Variants in FRMD3 observed in about 807,000 individuals in gnomAD.
The protein encoded by FRMD3 is FERM domain-containing protein 3.
FRMD3 carries 33 observed loss-of-function variants against 70.2 expected under a neutral mutation model. That is an observed-to-expected ratio of 0.47 (90% CI 0.36 to 0.63). The LOEUF is 0.63. Ranked by LOEUF, FRMD3 falls within the 20% of genes least tolerant of loss-of-function variation. FRMD3 has a pLI of 0.00. For synonymous variants in FRMD3, 279 were observed against 255.9 expected (o/e 1.09, Z -0.86); for missense variants, 632 against 711.4 (o/e 0.89, Z 1.27).
chr9:83,273,189 A>G (rs1463125077), intron 13 of FRMD3, among the ~76,000 whole-genome samples: 1 of 152,256 alleles, frequency 6.6e-6, no homozygotes, highest in Non-Finnish European at 1.5e-5. Context: ...GTCGAATAGA[A>G]AAGGGGGAAA....
intron 1 of FRMD3, among the ~76,000 whole-genome samples, chr9:83,394,676 G>A (rs965659431): frequency 1.3e-5 from 2 of 152,170 alleles, no homozygotes; most frequent in African/African-American, 4.8e-5. Flanking sequence ...ACCAAACACA[G>A]ATGTCAGGAG....
chr9:83,535,520 T>C (rs77773760), intron 1 of FRMD3, among the ~76,000 whole-genome samples: 2,644 of 152,248 alleles, frequency 0.017, 85 homozygotes, highest in African/African-American at 0.059. Context: ...CTACAGAGCC[T>C]CTAGATCAAG....
rs908973556 is a variant in FRMD3, at chr9:83,245,618, G to T, written c.*2300C>A. ...ATATTTATACTATCATATTTTTTAA[G>T]TATTTTACAATGGAAAATATATTAG... On this transcript the variant is annotated 3_prime_UTR_variant, in exon 14 of 14. Transcript: ENST00000304195. 3.9e-5 allele frequency: 31 copies of T among 800,446 alleles called. No homozygotes were observed. Among genetic ancestry groups the T allele is most frequent in the Middle Eastern group, 1.3e-3 (2 of 1,528 alleles). 49.6% of individuals were successfully genotyped at this position (800,446 alleles called of 1,614,324 possible).
At chr9:83,505,768 C>A (rs1829168054) in intron 1 of FRMD3, among the ~76,000 whole-genome samples, 1 of 152,146 alleles carries the variant, frequency 6.6e-6, no homozygotes, top group Non-Finnish European at 1.5e-5. Flanking sequence ...TAATTAAGTT[C>A]CCTCCTAGGA....
intron 1 of FRMD3, among the ~76,000 whole-genome samples, chr9:83,430,369 C>G (rs539881203): frequency 6.6e-6 from 1 of 152,272 alleles, no homozygotes; most frequent in Non-Finnish European, 1.5e-5. Context: ...GTGATCTGTA[C>G]CAGCCACCAT....
At chr9:83,313,540 A>G (rs1055408994) in intron 7 of FRMD3, 120 bp downstream of exon 7, 4 of 752,796 alleles carry the variant, frequency 5.3e-6, no homozygotes, top group African/African-American at 5.2e-5. Flanking sequence ...CCTTCCAATG[A>G]GGGACCGTGG....
intron 1 of FRMD3, among the ~76,000 whole-genome samples, chr9:83,506,797 T>C (rs1829192002): frequency 6.6e-6 from 1 of 152,230 alleles, no homozygotes; most frequent in African/African-American, 2.4e-5. Flanking sequence ...TTTTTGACTT[T>C]TGTAATAATA....
Position 83,244,759 on chromosome 9 carries a change from T to C in FRMD3, c.*3159A>G. ...CACAGTAACATGGCCCCCATATCTC[T>C]AGTATTTCAATGAAATAAACTCATT... On this transcript the variant is annotated 3_prime_UTR_variant, in exon 14 of 14. Coordinates refer to ENST00000304195, the MANE Select transcript of FRMD3 (RefSeq NM_174938.6). The C allele has an allele frequency of 1.0e-6, 1 of 984,522 alleles. No individual in the cohort carries two copies. The allele number at this position is 984,522 out of a possible 1,614,324, so 61.0% of individuals were successfully genotyped here.
chr9:83,542,689 G>A (rs1303884092), upstream of FRMD3, among the ~76,000 whole-genome samples: 1 of 152,144 alleles, frequency 6.6e-6, no homozygotes, highest in African/African-American at 2.4e-5. Flanking sequence ...GATATTACCT[G>A]ACTTTAAGAC....
chr9:83,302,592 T>G (rs1013357902), intron 10 of FRMD3, among the ~76,000 whole-genome samples: 3 of 152,118 alleles, frequency 2.0e-5, no homozygotes, highest in Non-Finnish European at 4.4e-5. Context: ...ATAGTTTCCC[T>G]TCCTCCCTTC....
At chr9:83,497,610 G>A (rs994007571) in intron 1 of FRMD3, among the ~76,000 whole-genome samples, 1 of 152,208 alleles carries the variant, frequency 6.6e-6, no homozygotes, top group Admixed American at 6.5e-5. Flanking sequence ...AGGGCCATCT[G>A]TCATGTACAA....
At chr9:83,345,766 A>G (rs1373717086) in intron 4 of FRMD3, among the ~76,000 whole-genome samples, 3 of 151,804 alleles carry the variant, frequency 2.0e-5, no homozygotes, top group African/African-American at 7.3e-5. Flanking sequence ...CAAAAAATAA[A>G]TAAAAATAAA....
intron 5 of FRMD3, among the ~76,000 whole-genome samples, chr9:83,340,222 C>G (rs773509728): frequency 1.3e-5 from 2 of 152,126 alleles, no homozygotes; most frequent in Admixed American, 1.3e-4. Flanking sequence ...GCAAGTGCCC[C>G]GATTCATTTC....
At chr9:83,333,175 A>T (rs1490037026) in intron 6 of FRMD3, among the ~76,000 whole-genome samples, 1 of 152,206 alleles carries the variant, frequency 6.6e-6, no homozygotes, top group Non-Finnish European at 1.5e-5. Flanking sequence ...TGAAATACAG[A>T]ACTACTTAGA....
intron 13 of FRMD3, chr9:83,266,958 C>G (rs1051990322): frequency 1.6e-5 from 25 of 1,522,316 alleles, no homozygotes; most frequent in Non-Finnish European, 2.2e-5. Flanking sequence ...GAGCAGGAAG[C>G]TGGAAGCCCG....
intron 1 of FRMD3, among the ~76,000 whole-genome samples, chr9:83,419,460 G>T (rs1826559756): frequency 6.6e-6 from 1 of 151,830 alleles, no homozygotes; most frequent in Admixed American, 6.6e-5. Context: ...GTGTGTGTGT[G>T]TGTGTGTGTG....
intron 1 of FRMD3, among the ~76,000 whole-genome samples, chr9:83,463,612 A>G (rs530182743): frequency 6.6e-6 from 1 of 152,318 alleles, no homozygotes; most frequent in East Asian, 1.9e-4. Context: ...TGGGAACTAC[A>G]ATTCAAGATG....
At chr9:83,393,930 G>GT (rs11427636) in intron 1 of FRMD3, among the ~76,000 whole-genome samples, 29,444 of 136,446 alleles carry the variant, frequency 0.22, 3,068 homozygotes, top group African/African-American at 0.29. Flanking sequence ...TTTTGATTTT[G>GT]TTTTTTTTTG....
chr9:83,446,474 C>T (rs542174174), intron 1 of FRMD3, among the ~76,000 whole-genome samples: 3 of 151,820 alleles, frequency 2.0e-5, no homozygotes, highest in African/African-American at 4.8e-5. Flanking sequence ...GGTGAAACCC[C>T]GTCTCTACTA....
Sources: allele counts gnomAD v4.1 joint callset (sites outside exome capture counted in the v4.1 genomes callset), GRCh38; gene constraint gnomAD v4.1.1; transcripts MANE v1.5; gene names NCBI Gene and HGNC (gene_info 2026-07-23, HGNC 2026-07-21).